GRM3: variants seen among roughly 807,000 people sequenced by gnomAD.
GRM3 encodes the protein glutamate metabotropic receptor 3.
Under a neutral mutation model 70.5 loss-of-function variants are expected in GRM3, and 26 were observed. The observed-to-expected ratio is 0.37, with a 90% CI of 0.27 to 0.51. The LOEUF is 0.51. Among genes scored for constraint, GRM3 ranks in the 20% least tolerant of loss-of-function variants. The pLI, the probability that GRM3 is intolerant of heterozygous loss-of-function variation, is 0.93. For missense variants in GRM3, 859 were observed against 1,123.8 expected (o/e 0.76, Z 3.37); for synonymous variants, 443 against 434.9 (o/e 1.02, Z -0.23).
At chr7:86,770,425 T>C (rs1447769805) in intron 2 of GRM3, among the ~76,000 whole-genome samples, 1 of 152,146 alleles carries the variant, frequency 6.6e-6, no homozygotes, top group Non-Finnish European at 1.5e-5. Flanking sequence ...ACTCAGGAGA[T>C]GGTTACTATC....
At chr7:86,700,193 A>T (rs914667766) in intron 1 of GRM3, among the ~76,000 whole-genome samples, 3 of 152,054 alleles carry the variant, frequency 2.0e-5, no homozygotes, top group African/African-American at 2.4e-5. Flanking sequence ...TCTTAGAGAC[A>T]GGAATACCTA....
intron 1 of GRM3, among the ~76,000 whole-genome samples, chr7:86,733,081 G>C (rs1795773833): frequency 6.6e-6 from 1 of 152,156 alleles, no homozygotes; most frequent in Admixed American, 6.5e-5. Context: ...TTGGGAGGCT[G>C]AGGTGGGTGG....
At chr7:86,825,415 G>C (rs1798212034) in intron 3 of GRM3, among the ~76,000 whole-genome samples, 1 of 152,204 alleles carries the variant, frequency 6.6e-6, no homozygotes, top group African/African-American at 2.4e-5. Flanking sequence ...TTGAAATCTT[G>C]TGGTTCAATA....
chr7:86,828,879 A>T (rs1300691737), intron 3 of GRM3, among the ~76,000 whole-genome samples: 3 of 152,254 alleles, frequency 2.0e-5, no homozygotes, highest in Admixed American at 2.0e-4. Flanking sequence ...CAGTTCTCTC[A>T]AATCCTGCCA....
At chr7:86,848,000 C>A (rs1003936367) in intron 4 of GRM3, among the ~76,000 whole-genome samples, 7 of 152,156 alleles carry the variant, frequency 4.6e-5, no homozygotes, top group African/African-American at 1.7e-4. Context: ...AATCATCCCC[C>A]ACCTTGGGAT....
At chr7:86,655,676 C>T (rs1032955640) in intron 1 of GRM3, among the ~76,000 whole-genome samples, 4 of 152,100 alleles carry the variant, frequency 2.6e-5, no homozygotes, top group Non-Finnish European at 5.9e-5. Flanking sequence ...GGGTTTCATC[C>T]ACCCTTCTTT....
chr7:86,850,284 A>T, intron 4 of GRM3, 86 bp from the exon 5 acceptor site: 1 of 847,832 alleles, frequency 1.2e-6, no homozygotes, highest in South Asian at 1.5e-5. Context: ...TGGATTTTTC[A>T]TTTTGGTCTT....
intron 1 of GRM3, among the ~76,000 whole-genome samples, chr7:86,747,177 C>T (rs1796122581): frequency 6.6e-6 from 1 of 152,056 alleles, no homozygotes; most frequent in Non-Finnish European, 1.5e-5. Context: ...TTGAGCCATG[C>T]AGCGAAGTTA....
At chr7:86,698,436 C>T (rs1039976206) in intron 1 of GRM3, among the ~76,000 whole-genome samples, 1 of 151,354 alleles carries the variant, frequency 6.6e-6, no homozygotes, top group African/African-American at 2.4e-5. Context: ...ATATCCTCCT[C>T]AACCCCCCAC....
intron 1 of GRM3, among the ~76,000 whole-genome samples, chr7:86,706,189 A>T (rs802471): frequency 0.038 from 5,800 of 152,160 alleles, 347 homozygotes; most frequent in African/African-American, 0.13. Context: ...TAGTTTGGAA[A>T]ATTCCTTTAG....
chr7:86,685,971 A>T (rs1794557437), intron 1 of GRM3, among the ~76,000 whole-genome samples: 1 of 152,072 alleles, frequency 6.6e-6, no homozygotes, highest in Admixed American at 6.6e-5. Flanking sequence ...TTAATGAGAT[A>T]ATACAATTAA....
At chr7:86,741,858 G>T (rs1795998781) in intron 1 of GRM3, among the ~76,000 whole-genome samples, 1 of 152,178 alleles carries the variant, frequency 6.6e-6, no homozygotes, top group Non-Finnish European at 1.5e-5. Context: ...AAAGAGCAGA[G>T]AATATATGGT....
At chr7:86,801,728 T>C (rs900580496) in intron 3 of GRM3, among the ~76,000 whole-genome samples, 2 of 152,208 alleles carry the variant, frequency 1.3e-5, no homozygotes, top group Admixed American at 6.5e-5. Flanking sequence ...ATAAGTTGCA[T>C]AGTATTTAGA....
intron 3 of GRM3, among the ~76,000 whole-genome samples, chr7:86,832,772 G>A (rs1236043813): frequency 6.6e-6 from 1 of 151,976 alleles, no homozygotes; most frequent in Non-Finnish European, 1.5e-5. Context: ...TGATTCCTAG[G>A]AGGACTGGTC....
chr7:86,662,459 T>A (rs1415997784), intron 1 of GRM3, among the ~76,000 whole-genome samples: 4 of 152,026 alleles, frequency 2.6e-5, no homozygotes, highest in African/African-American at 9.6e-5. Context: ...TAGATTATAA[T>A]GAGCAGGGCA....
intron 1 of GRM3, among the ~76,000 whole-genome samples, chr7:86,754,455 T>C (rs1465798591): frequency 6.6e-6 from 1 of 152,068 alleles, no homozygotes; most frequent in Non-Finnish European, 1.5e-5. Context: ...GATAATAGCA[T>C]AAAGAAAAGA....
At chr7:86,737,033 A>G (rs892092056) in intron 1 of GRM3, among the ~76,000 whole-genome samples, 1 of 152,200 alleles carries the variant, frequency 6.6e-6, no homozygotes, top group Non-Finnish European at 1.5e-5. Flanking sequence ...AGAAAAAAAA[A>G]ACATCCAACT....
chr7:86,734,014 T>A (rs1333080505), intron 1 of GRM3, among the ~76,000 whole-genome samples: 1 of 152,252 alleles, frequency 6.6e-6, no homozygotes, highest in African/African-American at 2.4e-5. Flanking sequence ...TATTCTTGAC[T>A]GCAGCACATC....
Position 86,716,008 on chromosome 7 carries a change from A to G in GRM3, c.-140-48998A>G, listed in dbSNP as rs556750780. On this transcript the variant is annotated intron_variant, in intron 1 of 5. Coordinates refer to ENST00000361669, the MANE Select transcript of GRM3 (RefSeq NM_000840.3). ...AGATTAATAAATGATAGTAGCAACCACCTACGTGGTACTTTTCATCCTCAA... is the reference window on the plus strand; with the variant it reads ...AGATTAATAAATGATAGTAGCAACCGCCTACGTGGTACTTTTCATCCTCAA... Among the ~76,000 whole-genome samples the G allele has an allele frequency of 5.3e-5, 8 of 152,114 alleles. No individual in the cohort carries two copies. The South Asian group carries it at 1.7e-3, about 31-fold the overall frequency.
Sources: gnomAD v4.1 joint callset for allele counts (sites outside exome capture counted in the v4.1 genomes callset) on GRCh38, gnomAD v4.1.1 for gene constraint, MANE v1.5 for transcripts, NCBI Gene and HGNC (gene_info 2026-07-23, HGNC 2026-07-21) for gene names.